The following C1QTNF3 variants were observed in gnomAD, a reference collection of about 807,000 sequenced individuals.
C1QTNF3 encodes the protein complement C1q tumor necrosis factor-related protein 3.
Under a neutral mutation model 32.6 loss-of-function variants are expected in C1QTNF3, and 26 were observed. The ratio of observed to expected loss-of-function variants is 0.80; its 90% CI spans 0.58 to 1.11. C1QTNF3 has a LOEUF of 1.11. Among genes scored for constraint, C1QTNF3 ranks in the 50% least tolerant of loss-of-function variants. The pLI is 0.00. For missense variants in C1QTNF3, 362 were observed against 398.2 expected (o/e 0.91, Z 0.77); for synonymous variants, 155 against 146.0 (o/e 1.06, Z -0.44).
the C1QTNF3 span, among the ~76,000 whole-genome samples, chr5:34,154,088 A>G: frequency 6.6e-6 from 1 of 152,036 alleles, no homozygotes; most frequent in South Asian, 2.1e-4. Context: ...ATCTAATACC[A>G]ATGAGAGTTG....
At chr5:34,046,410 CTG>C (rs1039281767), upstream of C1QTNF3, among the ~76,000 whole-genome samples, 1 of 152,186 alleles carries the variant, frequency 6.6e-6, no homozygotes, top group Non-Finnish European at 1.5e-5. Context: ...CCCAAAATGA[CTG>C]TGTCTTTATA....
chr5:34,035,561 T>C, intron 2 of C1QTNF3, 86 bp downstream of exon 2: 1 of 988,940 alleles, frequency 1.0e-6, no homozygotes, highest in Admixed American at 2.0e-5. Flanking sequence ...CACACAGAAG[T>C]GATCCCAAAT....
the C1QTNF3 span, among the ~76,000 whole-genome samples, chr5:34,071,419 T>C: frequency 6.6e-6 from 1 of 152,292 alleles, no homozygotes; most frequent in South Asian, 2.1e-4. Flanking sequence ...TTTCCCACTA[T>C]CAGTATTTCT....
At chr5:34,100,604 TTAAAG>T in the C1QTNF3 span, among the ~76,000 whole-genome samples, 3 of 150,088 alleles carry the variant, frequency 2.0e-5, no homozygotes, top group South Asian at 2.1e-4. Context: ...CTGTTTTATG[TTAAAG>T]TAATTATTCT....
intron 1 of C1QTNF3, among the ~76,000 whole-genome samples, chr5:34,036,376 A>G (rs761109073): frequency 3.3e-5 from 5 of 152,210 alleles, no homozygotes; most frequent in Non-Finnish European, 7.3e-5. Flanking sequence ...TGACAACTAG[A>G]AATTATATAT....
chr5:34,132,406 AATAT>A, the C1QTNF3 span, among the ~76,000 whole-genome samples: 1 of 143,492 alleles, frequency 7.0e-6, no homozygotes, highest in Non-Finnish European at 1.5e-5. Flanking sequence ...CAACAACAAA[AATAT>A]ATATATATGT....
chr5:34,123,741 G>A, the C1QTNF3 span, among the ~76,000 whole-genome samples: 3 of 151,734 alleles, frequency 2.0e-5, no homozygotes, highest in African/African-American at 7.3e-5. Flanking sequence ...ATTGATAAAT[G>A]CTGCAATTTT....
chr5:34,208,067 G>A, the C1QTNF3 span, among the ~76,000 whole-genome samples: 3 of 152,198 alleles, frequency 2.0e-5, no homozygotes, highest in Non-Finnish European at 4.4e-5. Flanking sequence ...TGGGATTACA[G>A]GCGTGAGCCA....
At chr5:34,213,814 T>TG in the C1QTNF3 span, among the ~76,000 whole-genome samples, 1 of 6,130 alleles carries the variant, frequency 1.6e-4, no homozygotes, top group African/African-American at 2.3e-4. Context: ...TATATATTTT[T>TG]TTTTTTTTGT....
the C1QTNF3 span, among the ~76,000 whole-genome samples, chr5:34,127,587 C>T: frequency 6.8e-6 from 1 of 148,082 alleles, no homozygotes; most frequent in Non-Finnish European, 1.5e-5. Context: ...TTTTTCTTTT[C>T]CTTTTTTTTT....
the C1QTNF3 span, among the ~76,000 whole-genome samples, chr5:34,063,725 C>T: frequency 1.3e-5 from 2 of 152,104 alleles, no homozygotes; most frequent in Admixed American, 6.5e-5. Context: ...AGTCTAGATG[C>T]CTAAGGATGC....
chr5:34,139,941 G>A, the C1QTNF3 span, among the ~76,000 whole-genome samples: 1 of 152,126 alleles, frequency 6.6e-6, no homozygotes, highest in Non-Finnish European at 1.5e-5. Flanking sequence ...CCAAAGCTGG[G>A]ACATAAATCT....
the C1QTNF3 span, among the ~76,000 whole-genome samples, chr5:34,122,140 G>A: frequency 6.6e-6 from 1 of 152,186 alleles, no homozygotes; most frequent in East Asian, 1.9e-4. Context: ...CTAAACATAT[G>A]GAAGTGGGGA....
chr5:34,043,321 C>A (rs534224327), upstream of C1QTNF3: 18 of 591,452 alleles, frequency 3.0e-5, no homozygotes, highest in African/African-American at 3.3e-4. Context: ...AGCCCCCATT[C>A]ATCATTTTCC....
chr5:34,055,874 C>T, the C1QTNF3 span, among the ~76,000 whole-genome samples: 2 of 152,260 alleles, frequency 1.3e-5, no homozygotes, highest in Non-Finnish European at 2.9e-5. Flanking sequence ...CTGAAACACA[C>T]AGCAGCTGGG....
chr5:34,082,243 C>A, the C1QTNF3 span, among the ~76,000 whole-genome samples: 3,495 of 151,402 alleles, frequency 0.023, 49 homozygotes, highest in Non-Finnish European at 0.033. Context: ...GTCAGAACAG[C>A]AATGTGCCAT....
intron 1 of C1QTNF3, among the ~76,000 whole-genome samples, chr5:34,040,205 C>T (rs929641918): frequency 3.3e-5 from 5 of 152,088 alleles, no homozygotes; most frequent in African/African-American, 1.2e-4. Context: ...ATCCCCTTTC[C>T]CAAAAGCAGG....
the C1QTNF3 span, among the ~76,000 whole-genome samples, chr5:34,130,171 A>G: frequency 4.6e-5 from 7 of 152,096 alleles, no homozygotes; most frequent in South Asian, 1.5e-3. Flanking sequence ...ATATAAATAT[A>G]TATGTGCATA....
At chr5:34,166,906 A>C in the C1QTNF3 span, 3 of 152,150 alleles carry the variant, frequency 2.0e-5, no homozygotes, top group African/African-American at 7.2e-5. Context: ...TATAGGGAAT[A>C]ATGAACATCA....
Sources: gnomAD v4.1 joint callset for allele counts (sites outside exome capture counted in the v4.1 genomes callset) on GRCh38, gnomAD v4.1.1 for gene constraint, MANE v1.5 for transcripts, NCBI Gene and HGNC (gene_info 2026-07-23, HGNC 2026-07-21) for gene names.